The following TRPM3 variants were observed in gnomAD, a reference collection of about 807,000 sequenced individuals.
TRPM3 encodes transient receptor potential cation channel subfamily M member 3.
In TRPM3, 77 loss-of-function variants were observed where a neutral mutation model predicts 181.2. The ratio of observed to expected loss-of-function variants is 0.42; its 90% CI spans 0.35 to 0.51. TRPM3 has a LOEUF of 0.51. Ranked by LOEUF, TRPM3 falls within the 20% of genes least tolerant of loss-of-function variation. The pLI is 0.01. For missense variants in TRPM3, 1,759 were observed against 2,196.7 expected (o/e 0.80, Z 3.98); for synonymous variants, 745 against 796.4 (o/e 0.94, Z 1.09).
At chr9:71,091,399 G>A (rs1284873838) in intron 1 of TRPM3, among the ~76,000 whole-genome samples, 1 of 152,050 alleles carries the variant, frequency 6.6e-6, no homozygotes, top group African/African-American at 2.4e-5. Flanking sequence ...CCAGTTCAGG[G>A]TTGGAGAAGG....
At chr9:70,849,097 G>A (rs1363107345) in intron 3 of TRPM3, among the ~76,000 whole-genome samples, 1 of 152,046 alleles carries the variant, frequency 6.6e-6, no homozygotes, top group Non-Finnish European at 1.5e-5. Flanking sequence ...AAAACTGACA[G>A]AGTTTACTTC....
At chr9:71,119,952 G>A (rs917595077) in intron 1 of TRPM3, among the ~76,000 whole-genome samples, 3 of 152,200 alleles carry the variant, frequency 2.0e-5, no homozygotes, top group African/African-American at 7.2e-5. Context: ...TATGATGGGA[G>A]TTTGAACAGC....
At chr9:71,435,360 T>A (rs758154267) in intron 1 of TRPM3, among the ~76,000 whole-genome samples, 1 of 152,244 alleles carries the variant, frequency 6.6e-6, no homozygotes, top group Non-Finnish European at 1.5e-5. Flanking sequence ...TTCACATTTC[T>A]TTCTTCTATA....
intron 25 of TRPM3, among the ~76,000 whole-genome samples, chr9:70,542,127 A>T (rs2043537570): frequency 6.6e-6 from 1 of 152,174 alleles, no homozygotes; most frequent in Non-Finnish European, 1.5e-5. Flanking sequence ...TCTCAAACAA[A>T]ACAAAGTTCA....
intron 1 of TRPM3, among the ~76,000 whole-genome samples, chr9:71,427,979 A>C (rs945489379): frequency 6.6e-6 from 1 of 152,214 alleles, no homozygotes. Flanking sequence ...TTATCAACTA[A>C]ATCACCTGAG....
intron 9 of TRPM3, among the ~76,000 whole-genome samples, chr9:70,641,679 G>C (rs756211539): frequency 6.6e-6 from 1 of 152,172 alleles, no homozygotes; most frequent in Admixed American, 6.5e-5. Context: ...GTTCCATGTG[G>C]CTAGTGACTA....
At chr9:70,847,564 G>A (rs778882661) in intron 3 of TRPM3, among the ~76,000 whole-genome samples, 18 of 152,134 alleles carry the variant, frequency 1.2e-4, no homozygotes, top group Non-Finnish European at 2.5e-4. Flanking sequence ...TTGCATGCAG[G>A]GGGGAATTGA....
At chr9:71,343,239 G>C (rs1309407958) in intron 1 of TRPM3, among the ~76,000 whole-genome samples, 1 of 151,908 alleles carries the variant, frequency 6.6e-6, no homozygotes, top group East Asian at 1.9e-4. Context: ...AGGAAACCCA[G>C]AACTGAATGC....
chr9:71,138,185 A>T (rs2134517207), intron 1 of TRPM3, among the ~76,000 whole-genome samples: 1 of 152,256 alleles, frequency 6.6e-6, no homozygotes, highest in East Asian at 1.9e-4. Context: ...TCAAGAAAAC[A>T]TGGAAATGAA....
intron 6 of TRPM3, among the ~76,000 whole-genome samples, chr9:70,797,344 C>T (rs80244108): frequency 0.035 from 5,394 of 152,228 alleles, 122 homozygotes; most frequent in Middle Eastern, 0.092. Flanking sequence ...AGATTACTTC[C>T]TACCTGACTT....
At chr9:71,044,984 A>T (rs1338461813) in intron 1 of TRPM3, among the ~76,000 whole-genome samples, 1 of 151,934 alleles carries the variant, frequency 6.6e-6, no homozygotes, top group Non-Finnish European at 1.5e-5. Context: ...TCCAGACTTA[A>T]CTGTTATTGC....
intron 9 of TRPM3, among the ~76,000 whole-genome samples, chr9:70,677,320 G>T (rs1012876184): frequency 2.0e-5 from 3 of 152,194 alleles, no homozygotes; most frequent in Non-Finnish European, 4.4e-5. Context: ...GTATAAATAT[G>T]ACTGCAAAAC....
chr9:70,850,912 T>C (rs768982833), intron 3 of TRPM3, among the ~76,000 whole-genome samples: 1 of 152,260 alleles, frequency 6.6e-6, no homozygotes, highest in African/African-American at 2.4e-5. Flanking sequence ...TGTGGACTTA[T>C]GTTCTCCTAA....
chr9:70,761,746 A>G (rs2078187751), intron 7 of TRPM3, 22 bp from the exon 8 acceptor site: 5 of 1,599,846 alleles, frequency 3.1e-6, no homozygotes, highest in Non-Finnish European at 3.4e-6. Context: ...AACAATGTCA[A>G]AAGCAGGTCA....
At chr9:71,249,870 C>T (rs192654250) in intron 1 of TRPM3, among the ~76,000 whole-genome samples, 85 of 152,228 alleles carry the variant, frequency 5.6e-4, no homozygotes, top group East Asian at 2.9e-3. Context: ...TTGAAAACAA[C>T]GGAGAGATGC....
chr9:71,290,464 A>C (rs1419029572), intron 1 of TRPM3, among the ~76,000 whole-genome samples: 8 of 152,172 alleles, frequency 5.3e-5, no homozygotes, highest in Non-Finnish European at 1.2e-4. Flanking sequence ...CCAATAATTG[A>C]ATGTCCAATA....
intron 1 of TRPM3, among the ~76,000 whole-genome samples, chr9:71,110,730 G>A (rs1215583309): frequency 1.3e-5 from 2 of 152,130 alleles, no homozygotes; most frequent in African/African-American, 4.8e-5. Context: ...AATTAATGCA[G>A]AATCAATTAA....
intron 17 of TRPM3, among the ~76,000 whole-genome samples, chr9:70,618,330 A>G (rs2063105601): frequency 6.6e-6 from 1 of 152,244 alleles, no homozygotes; most frequent in South Asian, 2.1e-4. Flanking sequence ...CTCAGATTAT[A>G]TACAGTGGTC....
intron 4 of TRPM3, among the ~76,000 whole-genome samples, chr9:70,845,753 G>A (rs1424894430): frequency 6.6e-6 from 1 of 152,074 alleles, no homozygotes; most frequent in Non-Finnish European, 1.5e-5. Flanking sequence ...ATTATCTGGT[G>A]CACATTAAAA....
Sources: gnomAD v4.1 joint callset for allele counts (sites outside exome capture counted in the v4.1 genomes callset) on GRCh38, gnomAD v4.1.1 for gene constraint, MANE v1.5 for transcripts, NCBI Gene and HGNC (gene_info 2026-07-23, HGNC 2026-07-21) for gene names.